ANKRD11: variants seen among roughly 807,000 people sequenced by gnomAD.
The protein encoded by ANKRD11 is ankyrin repeat domain-containing protein 11.
In ANKRD11, 17 loss-of-function variants were observed where a neutral mutation model predicts 195.7. That is an observed-to-expected ratio of 0.09 (90% CI 0.06 to 0.13). The LOEUF is 0.13. Ranked by LOEUF, ANKRD11 falls within the 10% of genes least tolerant of loss-of-function variation. ANKRD11 has a pLI of 1.00. For missense variants in ANKRD11, 3,735 were observed against 3,566.1 expected, an observed-to-expected ratio of 1.05 and a Z score of -1.21; for synonymous variants, 1,953 against 1,528.1, an observed-to-expected ratio of 1.28 and a Z score of -6.49.
intron 1 of ANKRD11, among the ~76,000 whole-genome samples, chr16:89,435,796 T>TCACACACACACACACACACACA (rs58503159): frequency 2.1e-5 from 3 of 143,018 alleles, no homozygotes; most frequent in Non-Finnish European, 4.6e-5. Context: ...CACCAGCTCT[T>TCACACACACACACACACACACA]CACACACACA....
chr16:89,488,158 G>T (rs892963296), intron 1 of ANKRD11, among the ~76,000 whole-genome samples: 5 of 152,186 alleles, frequency 3.3e-5, no homozygotes, highest in African/African-American at 1.2e-4. Flanking sequence ...GAAAAAAACT[G>T]CTGAAAGTTT....
intron 1 of ANKRD11, among the ~76,000 whole-genome samples, chr16:89,428,875 C>A (rs557664580): frequency 1.3e-5 from 2 of 152,276 alleles, no homozygotes; most frequent in African/African-American, 2.4e-5. Flanking sequence ...GCCTGGGCAA[C>A]AGAGCAAGAC....
intron 2 of ANKRD11, among the ~76,000 whole-genome samples, chr16:89,323,564 A>AGGGCAGGGGGGCAGAGCCG: frequency 1.6e-4 from 2 of 12,586 alleles, no homozygotes; most frequent in African/African-American, 3.3e-4. Context: ...GGTCTGAGCT[A>AGGGCAGGGGGGCAGAGCCG]AGGGCACGGG....
intron 1 of ANKRD11, among the ~76,000 whole-genome samples, chr16:89,473,833 C>T (rs4238830): frequency 0.47 from 71,603 of 152,036 alleles, 17,486 homozygotes; most frequent in Middle Eastern, 0.65. Context: ...GGACCTGTGA[C>T]GTGCTTCTAA....
At chr16:89,287,805 G>A in intron 7 of ANKRD11, 1 of 212,870 alleles carries the variant, frequency 4.7e-6, no homozygotes, top group Middle Eastern at 1.7e-3. Flanking sequence ...GGCACTGTGG[G>A]CTCCAGGACC....
intron 2 of ANKRD11, among the ~76,000 whole-genome samples, chr16:89,380,524 G>C (rs2152103381): frequency 6.6e-6 from 1 of 151,502 alleles, no homozygotes; most frequent in East Asian, 1.9e-4. Flanking sequence ...ACCTGCATAA[G>C]AAACGGGACA....
At chr16:89,364,746 A>G (rs763833613) in intron 2 of ANKRD11, among the ~76,000 whole-genome samples, 4 of 152,192 alleles carry the variant, frequency 2.6e-5, no homozygotes, top group Non-Finnish European at 4.4e-5. Context: ...AGCTTGCCCT[A>G]TCTCACACTG....
At chr16:89,420,885 A>G (rs2042483123) in intron 1 of ANKRD11, among the ~76,000 whole-genome samples, 1 of 152,192 alleles carries the variant, frequency 6.6e-6, no homozygotes. Context: ...CTTCATTTAG[A>G]ATACATGTTC....
intron 1 of ANKRD11, among the ~76,000 whole-genome samples, chr16:89,485,111 C>A (rs2152379737): frequency 6.6e-6 from 1 of 152,242 alleles, no homozygotes; most frequent in South Asian, 2.1e-4. Context: ...AAATCTCAGC[C>A]ATACAGACAG....
chr16:89,327,039 G>A (rs28436863), intron 2 of ANKRD11, among the ~76,000 whole-genome samples: 144 of 44,188 alleles, frequency 3.3e-3, no homozygotes, highest in African/African-American at 8.2e-3. Flanking sequence ...CAGAGGTGGG[G>A]AATGCAGAGG....
intron 1 of ANKRD11, among the ~76,000 whole-genome samples, chr16:89,488,727 C>T (rs1471348470): frequency 2.0e-5 from 3 of 152,132 alleles, no homozygotes; most frequent in African/African-American, 7.2e-5. Context: ...CAAAAAGGAT[C>T]AAAAGATTCT....
At chr16:89,355,466 C>CA (rs1219071416) in intron 2 of ANKRD11, among the ~76,000 whole-genome samples, 1 of 152,166 alleles carries the variant, frequency 6.6e-6, no homozygotes, top group Non-Finnish European at 1.5e-5. Context: ...TCAAGGCTGA[C>CA]AAGAATTCAA....
chr16:89,406,501 C>A (rs111249160), intron 2 of ANKRD11, among the ~76,000 whole-genome samples: 2 of 152,306 alleles, frequency 1.3e-5, no homozygotes, highest in African/African-American at 4.8e-5. Context: ...ACAACATGTT[C>A]GTTGGCCATG....
intron 1 of ANKRD11, chr16:89,422,145 TA>T (rs1334655932): frequency 6.6e-6 from 1 of 151,778 alleles, no homozygotes; most frequent in African/African-American, 2.4e-5. Flanking sequence ...AATCAACGGG[TA>T]AAAAGTTAAA....
chr16:89,327,703 A>T (rs1230243733), intron 2 of ANKRD11, among the ~76,000 whole-genome samples: 1 of 17,532 alleles, frequency 5.7e-5, no homozygotes, highest in Non-Finnish European at 1.0e-4. Context: ...AAAAACATGA[A>T]ATAAAGACAG....
intron 1 of ANKRD11, among the ~76,000 whole-genome samples, chr16:89,428,540 A>G (rs1304372463): frequency 6.6e-6 from 1 of 152,054 alleles, no homozygotes; most frequent in African/African-American, 2.4e-5. Flanking sequence ...GAAAGAATGA[A>G]TGATGAATGA....
intron 1 of ANKRD11, among the ~76,000 whole-genome samples, chr16:89,433,028 T>C (rs1205181624): frequency 5.3e-5 from 8 of 151,288 alleles, no homozygotes; most frequent in Non-Finnish European, 7.4e-5. Context: ...ACGAAATATA[T>C]GGACACAGGC....
chr16:89,477,231 T>C (rs1416923200), intron 1 of ANKRD11, among the ~76,000 whole-genome samples: 4 of 150,864 alleles, frequency 2.7e-5, no homozygotes, highest in Non-Finnish European at 5.9e-5. Flanking sequence ...CTCACTCTGG[T>C]GCCCAAGCTG....
At chr16:89,301,688 C>T (rs1187474134) in intron 4 of ANKRD11, 1 of 398,610 alleles carries the variant, frequency 2.5e-6, no homozygotes, top group African/African-American at 2.1e-5. Context: ...CCTGGACAGC[C>T]TCCAGGCTGC....
Sources: allele counts gnomAD v4.1 joint callset (sites outside exome capture counted in the v4.1 genomes callset), GRCh38; gene constraint gnomAD v4.1.1; transcripts MANE v1.5; gene names NCBI Gene and HGNC (gene_info 2026-07-23, HGNC 2026-07-21).